LIPM: variants seen among roughly 807,000 people sequenced by gnomAD.
LIPM encodes lipase family member M, also known as lipase member M.
Under a neutral mutation model 42.4 loss-of-function variants are expected in LIPM, and 42 were observed. The ratio of observed to expected loss-of-function variants is 0.99; its 90% confidence interval spans 0.77 to 1.28. The LOEUF (loss-of-function observed/expected upper bound fraction) is 1.28. LIPM is among the 50% of genes most tolerant of loss of function. The pLI, the probability that LIPM is intolerant of heterozygous loss-of-function variation, is 0.00. For synonymous variants in LIPM, 177 were observed against 173.3 expected (o/e 1.02, Z -0.17); for missense variants, 524 against 520.1 (o/e 1.01, Z -0.07).
chr10:88,809,271 T>C (rs1447429119), intron 2 of LIPM, among the ~76,000 whole-genome samples: 2 of 152,200 alleles, frequency 1.3e-5, no homozygotes, highest in African/African-American at 4.8e-5. Flanking sequence ...ACATTTTAAA[T>C]GTTTGATACA....
At chr10:88,806,095 A>G (rs1363480617) in intron 1 of LIPM, 1 of 438,996 alleles carries the variant, frequency 2.3e-6, no homozygotes, top group Non-Finnish European at 4.6e-6. Context: ...ATGACAGCCA[A>G]GGGTGATCTG....
chr10:88,803,247 G>A (rs1024461003), intron 1 of LIPM, among the ~76,000 whole-genome samples: 1 of 152,098 alleles, frequency 6.6e-6, no homozygotes, highest in African/African-American at 2.4e-5. Context: ...GTAAACTTGG[G>A]CAAATGACTT....
At chr10:88,812,972 A>G in intron 2 of LIPM, 125 bp from the exon 3 acceptor site, 1 of 778,702 alleles carries the variant, frequency 1.3e-6, no homozygotes, top group Non-Finnish European at 2.1e-6. Flanking sequence ...CAAGATAACT[A>G]AGCTAGCAAG....
chr10:88,808,809 C>G (rs1471414906), intron 2 of LIPM, among the ~76,000 whole-genome samples: 1 of 152,050 alleles, frequency 6.6e-6, no homozygotes, highest in African/African-American at 2.4e-5. Context: ...GGTACCCGCT[C>G]CTGTATACTC....
intron 1 of LIPM, among the ~76,000 whole-genome samples, chr10:88,805,642 G>T (rs303536): frequency 0.2 from 30,771 of 151,946 alleles, 3,136 homozygotes; most frequent in Non-Finnish European, 0.21. Flanking sequence ...ATTTTCCAAC[G>T]TTTTTTCTGC....
At chr10:88,805,735 A>AT (rs1225853168) in intron 1 of LIPM, among the ~76,000 whole-genome samples, 3 of 152,268 alleles carry the variant, frequency 2.0e-5, no homozygotes, top group East Asian at 1.9e-4. Flanking sequence ...ATTATGTTCC[A>AT]TTTTTTTAAA....
At chr10:88,807,388 A>G (rs1843602136) in intron 1 of LIPM, among the ~76,000 whole-genome samples, 1 of 152,164 alleles carries the variant, frequency 6.6e-6, no homozygotes, top group Non-Finnish European at 1.5e-5. Context: ...TGGGCATGTG[A>G]TGTTTGGCCT....
In LIPM at chr10:88,817,869, G is replaced by C. The variant is rs1365430763; in HGVS notation, c.975G>C (p.Glu325Asp). Reference sequence around the variant, plus strand: ...TCCGGGCATTTGACTGGGGGAGTGAGACCAAAAATCTGGAAAAATGCAATC... The same window carrying C: ...TCCGGGCATTTGACTGGGGGAGTGACACCAAAAATCTGGAAAAATGCAATC... ...GELRAFDWGS[E>D]TKNLEKCNQP... The change falls in exon 8 of 9, where the codon GAG becomes GAC. Residue 325 changes from glutamate to aspartate, a missense_variant. Glu to Asp is a conservative substitution (Grantham distance 45, BLOSUM62 2). Coordinates refer to ENST00000404743, the MANE Select transcript of LIPM (RefSeq NM_001128215.1). 6.4e-7 allele frequency: 1 copy of C among 1,551,302 alleles called. No individual in the cohort carries two copies. The highest frequency in any genetic ancestry group is 1.2e-5 in the South Asian group (1 of 84,038).
At position 88,808,366 on chromosome 10, in the gene LIPM, C is replaced by T. The variant is rs781588745; in HGVS notation, c.216C>T (p.Ile72=). The T allele has an allele frequency of 6.4e-7, 1 of 1,551,540 alleles. No homozygotes were observed. Among genetic ancestry groups the T allele is most frequent in the Non-Finnish European group, 8.7e-7 (1 of 1,146,796 alleles). ...EYEVATEDGY[I]LSVNRIPRGL... ...AAGTCGCAACTGAAGATGGGTATAT[C>T]CTTTCTGTTAACAGGATTCCTCGAG... is the stretch of plus-strand genomic sequence containing the variant. Residue 72 remains isoleucine, a synonymous_variant, in exon 2 of 9, where the codon ATC becomes ATT. Coordinates refer to ENST00000404743, the MANE Select transcript of LIPM (RefSeq NM_001128215.1).
chr10:88,802,931 C>G lies in LIPM; in HGVS notation c.35C>G (p.Ser12Ter). 2 of 1,550,922 alleles carry G rather than the reference C, an allele frequency of 1.3e-6. No homozygotes were observed. The highest frequency in any genetic ancestry group is 1.7e-6 in the Non-Finnish European group (2 of 1,146,532). Reference protein sequence around the residue: ...LETLSRQWIVSHRMEMWLLIL... With the variant: ...LETLSRQWIV ...ACCTTGTCAAGACAGTGGATTGTCT[C>G]ACACAGAATGGAAATGTGGCTTCTG... Residue 12 changes from serine (S) to a stop codon, truncating the protein, a stop_gained, in exon 1 of 9, where the codon TCA becomes TGA. Transcript: ENST00000404743. LOFTEE classifies it high-confidence loss of function.
Position 88,811,068 on chromosome 10 carries a change from G to A in LIPM, c.266-2029G>A, listed in dbSNP as rs540114230. 7.9e-5 allele frequency among the ~76,000 whole-genome samples: 12 copies of A among 152,280 alleles called. No homozygotes were observed. In the South Asian group the frequency reaches 2.3e-3, roughly 29 times the overall value. On this transcript the variant is annotated intron_variant, in intron 2 of 8. Coordinates refer to ENST00000404743, the MANE Select transcript of LIPM (RefSeq NM_001128215.1). ...TTCTCTCCCTTGAGAGACAAAATGA[G>A]GCAGATGGAATTCATGAAGACTGTC... is the stretch of plus-strand genomic sequence containing the variant.
At chr10:88,816,053 G>A (rs1843715365) in intron 6 of LIPM, among the ~76,000 whole-genome samples, 5 of 152,186 alleles carry the variant, frequency 3.3e-5, no homozygotes, top group Admixed American at 3.3e-4. Context: ...AAGTAGTGAT[G>A]CAGTCTCAAT....
At chr10:88,803,113 A>G (rs2133048271) in intron 1 of LIPM, 70 bp downstream of exon 1, 2 of 1,445,558 alleles carry the variant, frequency 1.4e-6, no homozygotes, top group Non-Finnish European at 1.9e-6. Context: ...TATTTACATT[A>G]TGTATTATAT....
At chr10:88,817,712 C>A (rs1843733953) in intron 7 of LIPM, 113 bp from the exon 8 acceptor site, 2 of 672,594 alleles carry the variant, frequency 3.0e-6, no homozygotes, top group Non-Finnish European at 5.3e-6. Context: ...AGCAGCTCAA[C>A]CATTGCTCTC....
chr10:88,817,782 A>G, intron 7 of LIPM, 43 bp from the exon 8 acceptor site: 1 of 1,378,516 alleles, frequency 7.3e-7, no homozygotes, highest in Non-Finnish European at 1.0e-6. Context: ...ACGCTTATCC[A>G]CTGAGACGTT....
Position 88,802,853 on chromosome 10 carries a change from T to A in LIPM, c.-44T>A, listed in dbSNP as rs1336796956. ...CCACAAATTCTTCTTACTTTAGAAT[T>A]AGTTGTTACATTGGCAGGAAAAAAT... is the stretch of plus-strand genomic sequence containing the variant. On this transcript the variant is annotated 5_prime_UTR_variant, in exon 1 of 9. Transcript: ENST00000404743. 1 of 1,505,146 alleles carries A rather than the reference T, an allele frequency of 6.6e-7. No individual in the cohort carries two copies. The highest frequency in any genetic ancestry group is 1.3e-5 in the South Asian group (1 of 76,766). The allele number at this position is 1,505,146 out of a possible 1,614,324, so 93.2% of individuals were successfully genotyped here.
Position 88,820,357 on chromosome 10 carries a change from C to T in LIPM, c.1128C>T (p.Ile376=). The T allele has an allele frequency of 6.4e-7, 1 of 1,552,320 alleles. No individual in the cohort carries two copies. The highest frequency in any genetic ancestry group is 8.7e-7 in the Non-Finnish European group (1 of 1,147,126). ...KMLLSEVTNL[I]YHKNIPEWAH... is the part of the protein sequence containing the mutation. The stretch of plus-strand genomic sequence containing the variant: ...TGCTCTCTGAGGTGACCAACCTCAT[C>T]TACCATAAGAATATTCCTGAATGGG... The change falls in exon 9 of 9, where the codon ATC becomes ATT. Residue 376 remains isoleucine, a synonymous_variant. Coordinates refer to ENST00000404743, the MANE Select transcript of LIPM (RefSeq NM_001128215.1).
chr10:88,808,383 T>A lies in LIPM; in HGVS notation c.233T>A (p.Ile78Asn), dbSNP rs1486731956. ...GGGTATATCCTTTCTGTTAACAGGA[T>A]TCCTCGAGGCCTAGTGCAACCTAAG... ...EDGYILSVNR[I>N]PRGLVQPKKT... Residue 78 changes from isoleucine to asparagine, a missense_variant, in exon 2 of 9, where the codon ATT (isoleucine) becomes AAT (asparagine). Ile to Asn is a moderately radical substitution (Grantham distance 149, BLOSUM62 -3). Transcript: ENST00000404743. 1 of 1,551,334 alleles carries A rather than the reference T, an allele frequency of 6.4e-7. No homozygotes were observed. Among genetic ancestry groups the A allele is most frequent in the African/African-American group, 1.4e-5 (1 of 73,120 alleles).
chr10:88,818,943 A>G (rs966453942), intron 8 of LIPM, among the ~76,000 whole-genome samples: 2 of 152,152 alleles, frequency 1.3e-5, no homozygotes, highest in Admixed American at 1.3e-4. Context: ...GCTGGAGTGC[A>G]GTGGCGCAGT....
Sources: gnomAD v4.1 joint callset for allele counts (sites outside exome capture counted in the v4.1 genomes callset) on GRCh38, gnomAD v4.1.1 for gene constraint, MANE v1.5 for transcripts, NCBI Gene and HGNC (gene_info 2026-07-23, HGNC 2026-07-21) for gene names.